The following SEC14L5 variants were observed in gnomAD, a reference collection of about 807,000 sequenced individuals.
The protein encoded by SEC14L5 is SEC14 like lipid binding 5, also known as SEC14-like protein 5.
SEC14L5 carries 96 observed loss-of-function variants against 84.6 expected under a neutral mutation model. The observed-to-expected ratio is 1.13, with a 90% CI of 0.96 to 1.34. The LOEUF (loss-of-function observed/expected upper bound fraction) is 1.34, where lower values mean the gene tolerates loss of function less well. Among genes scored for constraint, SEC14L5 ranks in the 40% most tolerant of loss-of-function variants. The pLI, the probability that SEC14L5 is intolerant of heterozygous loss-of-function variation, is 0.00. For missense variants in SEC14L5, 1,224 were observed against 942.5 expected (o/e 1.30, Z -3.91); for synonymous variants, 546 against 383.4 (o/e 1.42, Z -4.95).
At chr16:4,990,653 T>G in intron 4 of SEC14L5, 114 bp from the exon 5 acceptor site, 1 of 1,075,020 alleles carries the variant, frequency 9.3e-7, no homozygotes, top group South Asian at 2.0e-5. Context: ...TTGCCAGGCT[T>G]GATCTGCTTT....
rs936705503 is a variant in SEC14L5 at position 5,013,376 on chromosome 16, C to T, written c.1980-1483C>T. ...GTAGTGTGGTGGTCACACAAGTCACCAGGGGGTCTTTTTATTTATTTATTT... is the reference window on the plus strand; with the variant it reads ...GTAGTGTGGTGGTCACACAAGTCACTAGGGGGTCTTTTTATTTATTTATTT... On this transcript the variant is annotated intron_variant, in intron 15 of 15. Transcript: ENST00000251170. 5.5e-5 allele frequency among the ~76,000 whole-genome samples: 8 copies of T among 145,310 alleles called. 1 individual carries two copies. Among genetic ancestry groups the T allele is most frequent in the African/African-American group, 2.0e-4 (8 of 40,822 alleles).
chr16:4,996,254 CAGTG>C, intron 6 of SEC14L5, 90 bp from the exon 7 acceptor site: 1 of 752,840 alleles, frequency 1.3e-6, no homozygotes, highest in African/African-American at 1.7e-5. Context: ...GTTTTAGAGT[CAGTG>C]AGGCAGCCAG....
intron 2 of SEC14L5, among the ~76,000 whole-genome samples, chr16:4,967,568 T>G (rs897788929): frequency 1.9e-5 from 2 of 107,822 alleles, no homozygotes; most frequent in African/African-American, 4.7e-5. Flanking sequence ...TTTCGTTTTT[T>G]TTTTTTTTTT....
chr16:5,013,280 C>T (rs1351258124), intron 15 of SEC14L5, among the ~76,000 whole-genome samples: 6 of 152,124 alleles, frequency 3.9e-5, no homozygotes, highest in African/African-American at 1.2e-4. Flanking sequence ...GAGCACAGGA[C>T]GGGCCTGGCC....
chr16:5,009,173 G>A (rs1040219124), intron 14 of SEC14L5, among the ~76,000 whole-genome samples: 1 of 152,086 alleles, frequency 6.6e-6, no homozygotes, highest in African/African-American at 2.4e-5. Context: ...TGTCATTGGT[G>A]GGTAGATGCA....
chr16:5,001,795 C>T (rs140658209), intron 10 of SEC14L5, among the ~76,000 whole-genome samples: 70 of 151,636 alleles, frequency 4.6e-4, no homozygotes, highest in African/African-American at 1.7e-3. Context: ...TCCTTTGAGA[C>T]AGGCTCTCAC....
chr16:4,991,236 G>A (rs748426450), intron 5 of SEC14L5, among the ~76,000 whole-genome samples: 80 of 141,808 alleles, frequency 5.6e-4, no homozygotes, highest in Non-Finnish European at 9.4e-4. Flanking sequence ...CCATCCCTGA[G>A]TAAAAACCCG....
At chr16:4,968,842 A>G (rs1207292013) in intron 2 of SEC14L5, among the ~76,000 whole-genome samples, 4 of 152,214 alleles carry the variant, frequency 2.6e-5, no homozygotes, top group Admixed American at 2.0e-4. Context: ...TACGGAGGTA[A>G]GGTTCTGTCC....
At chr16:4,998,419 G>A (rs530545080) in intron 8 of SEC14L5, among the ~76,000 whole-genome samples, 1 of 151,952 alleles carries the variant, frequency 6.6e-6, no homozygotes, top group East Asian at 1.9e-4. Flanking sequence ...CTGTGCCTAC[G>A]ACACTTTCCA....
intron 2 of SEC14L5, among the ~76,000 whole-genome samples, chr16:4,963,252 T>A (rs1357480093): frequency 6.6e-6 from 1 of 152,236 alleles, no homozygotes; most frequent in East Asian, 1.9e-4. Context: ...TTAAAAAATT[T>A]ATCTAGTCAA....
intron 2 of SEC14L5, among the ~76,000 whole-genome samples, chr16:4,976,558 G>C (rs1016685318): frequency 2.2e-4 from 33 of 152,238 alleles, no homozygotes; most frequent in African/African-American, 7.7e-4. Flanking sequence ...TACCCAGCCT[G>C]GAATTGGGCA....
chr16:4,962,868 A>C (rs1467133422), intron 2 of SEC14L5, among the ~76,000 whole-genome samples: 2 of 152,170 alleles, frequency 1.3e-5, no homozygotes, highest in East Asian at 3.8e-4. Flanking sequence ...TTTACAAAAC[A>C]TTATTGTCCC....
chr16:4,985,637 G>A (rs2142500424), intron 2 of SEC14L5, among the ~76,000 whole-genome samples: 1 of 152,200 alleles, frequency 6.6e-6, no homozygotes, highest in African/African-American at 2.4e-5. Context: ...AAATCAGTTG[G>A]TGATAAACGT....
chr16:4,988,301 G>T (rs1300466663), intron 4 of SEC14L5, 21 bp downstream of exon 4: 2 of 1,611,866 alleles, frequency 1.2e-6, no homozygotes, highest in African/African-American at 2.7e-5. Flanking sequence ...GCCACCCTCA[G>T]CGCCCACGCC....
chr16:5,017,156 G>C lies in SEC14L5; in HGVS notation c.*2186G>C, dbSNP rs1955884085. 6.6e-6 allele frequency: 1 copy of C among 150,830 alleles called. No individual in the cohort carries two copies. The highest frequency in any genetic ancestry group is 1.5e-5 in the Non-Finnish European group (1 of 67,788). The allele number at this position is 150,830 out of a possible 1,614,324, so 9.3% of individuals were successfully genotyped here. A position where few individuals can be genotyped will look rare whatever the true frequency, so the allele number is the denominator to read the frequency against. The stretch of plus-strand genomic sequence containing the variant: ...ACACAGAAGCCTTTTACGGAAGGAA[G>C]CTGGAACTGCCTGTTCCAGAGGCGG... On this transcript the variant is annotated 3_prime_UTR_variant, in exon 16 of 16. Transcript: ENST00000251170.
chr16:5,011,650 C>T (rs540401943), intron 15 of SEC14L5, among the ~76,000 whole-genome samples: 4 of 152,290 alleles, frequency 2.6e-5, no homozygotes, highest in South Asian at 2.1e-4. Flanking sequence ...GACAACCCTC[C>T]CCAAGTTGTT....
chr16:4,965,505 C>G (rs1266857209), intron 2 of SEC14L5, among the ~76,000 whole-genome samples: 1 of 150,870 alleles, frequency 6.6e-6, no homozygotes. Context: ...ACTAAAAATA[C>G]AAAAAATTAG....
intron 15 of SEC14L5, among the ~76,000 whole-genome samples, chr16:5,011,779 G>C (rs899297043): frequency 1.5e-4 from 23 of 152,104 alleles, no homozygotes; most frequent in Admixed American, 1.5e-3. Flanking sequence ...CCTTAAATGG[G>C]AACCACTGGA....
chr16:4,965,994 A>G (rs1275535934), intron 2 of SEC14L5, among the ~76,000 whole-genome samples: 1 of 152,138 alleles, frequency 6.6e-6, no homozygotes, highest in African/African-American at 2.4e-5. Context: ...GTGAGCTGTG[A>G]TGTTGCTACT....
Sources: gnomAD v4.1 joint callset for allele counts (sites outside exome capture counted in the v4.1 genomes callset) on GRCh38, gnomAD v4.1.1 for gene constraint, MANE v1.5 for transcripts, NCBI Gene and HGNC (gene_info 2026-07-23, HGNC 2026-07-21) for gene names.